The following CNTNAP2 variants were observed in gnomAD, a reference collection of about 807,000 sequenced individuals.
CNTNAP2 encodes the protein contactin associated protein 2.
Under a neutral mutation model 155.2 loss-of-function variants are expected in CNTNAP2, and 98 were observed. The observed-to-expected ratio is 0.63, with a 90% CI of 0.54 to 0.75. CNTNAP2 has a LOEUF of 0.75. Ranked by LOEUF, CNTNAP2 falls within the 30% of genes least tolerant of loss-of-function variation. The pLI, the probability that CNTNAP2 is intolerant of heterozygous loss-of-function variation, is 0.00. For synonymous variants in CNTNAP2, 651 were observed against 631.2 expected, an observed-to-expected ratio of 1.03 and a Z score of -0.47; for missense variants, 1,727 against 1,688.1, an observed-to-expected ratio of 1.02 and a Z score of -0.40.
chr7:148,238,453 CT>C (rs1402467462), intron 20 of CNTNAP2, among the ~76,000 whole-genome samples: 1 of 152,224 alleles, frequency 6.6e-6, no homozygotes, highest in Non-Finnish European at 1.5e-5. Flanking sequence ...TTAGTTTGCT[CT>C]TTGTTGTCTT....
intron 12 of CNTNAP2, among the ~76,000 whole-genome samples, chr7:147,564,635 T>C (rs182676506): frequency 1.8e-4 from 27 of 152,298 alleles, no homozygotes; most frequent in Admixed American, 6.5e-4. Context: ...AACTATAATA[T>C]ACATAATTCT....
chr7:147,651,561 G>C (rs975694642), intron 13 of CNTNAP2, among the ~76,000 whole-genome samples: 1 of 152,118 alleles, frequency 6.6e-6, no homozygotes, highest in African/African-American at 2.4e-5. Context: ...TGCCTCTCTA[G>C]GTCAGCATAG....
chr7:146,608,212 A>G (rs972881365), intron 1 of CNTNAP2, among the ~76,000 whole-genome samples: 2 of 152,204 alleles, frequency 1.3e-5, no homozygotes, highest in Non-Finnish European at 2.9e-5. Flanking sequence ...ATACAGTCCT[A>G]TTGAAGATAT....
At chr7:146,911,877 T>C (rs553178977) in intron 3 of CNTNAP2, among the ~76,000 whole-genome samples, 3 of 152,166 alleles carry the variant, frequency 2.0e-5, no homozygotes, top group African/African-American at 4.8e-5. Flanking sequence ...ATATAATACA[T>C]GGTAATTTTC....
chr7:146,882,945 T>G (rs565560843), intron 3 of CNTNAP2, among the ~76,000 whole-genome samples: 2 of 152,268 alleles, frequency 1.3e-5, no homozygotes, highest in South Asian at 4.1e-4. Flanking sequence ...TGGAAAAATA[T>G]TCCATGTTCA....
At chr7:146,213,231 C>A (rs973873926) in intron 1 of CNTNAP2, among the ~76,000 whole-genome samples, 1 of 152,182 alleles carries the variant, frequency 6.6e-6, no homozygotes, top group Non-Finnish European at 1.5e-5. Flanking sequence ...GTTGGCAAAC[C>A]TCAAAATTTA....
At chr7:147,051,703 T>G (rs1799476969) in intron 4 of CNTNAP2, among the ~76,000 whole-genome samples, 3 of 152,072 alleles carry the variant, frequency 2.0e-5, no homozygotes, top group Non-Finnish European at 4.4e-5. Flanking sequence ...AATATACAAA[T>G]TATTATGTTG....
At chr7:146,342,543 TA>T (rs1335148187) in intron 1 of CNTNAP2, among the ~76,000 whole-genome samples, 2 of 152,164 alleles carry the variant, frequency 1.3e-5, no homozygotes, top group Non-Finnish European at 2.9e-5. Flanking sequence ...ATATGCATGA[TA>T]AAAATCTATC....
intron 1 of CNTNAP2, among the ~76,000 whole-genome samples, chr7:146,513,003 T>A (rs1797490187): frequency 6.6e-6 from 1 of 151,944 alleles, no homozygotes. Context: ...AATTGTTATA[T>A]CCTCTTGCTG....
intron 1 of CNTNAP2, among the ~76,000 whole-genome samples, chr7:146,348,409 G>C (rs145084611): frequency 2.0e-4 from 30 of 152,190 alleles, no homozygotes; most frequent in African/African-American, 7.0e-4. Context: ...TGGGCAATAA[G>C]AGCAAAACTC....
chr7:147,471,943 AC>A (rs1036906220), intron 10 of CNTNAP2, among the ~76,000 whole-genome samples: 13 of 152,198 alleles, frequency 8.5e-5, no homozygotes, highest in African/African-American at 2.9e-4. Context: ...TAAGGGAAGA[AC>A]CAAAAAATAC....
At chr7:147,763,932 C>A (rs572794885) in intron 13 of CNTNAP2, among the ~76,000 whole-genome samples, 5 of 152,158 alleles carry the variant, frequency 3.3e-5, no homozygotes, top group African/African-American at 1.2e-4. Context: ...AAGGTGCGTG[C>A]CATTCCAGTT....
rs914622953 is a variant in CNTNAP2 at position 146,305,774 on chromosome 7, A to T, written c.97+188801A>T. Among the ~76,000 whole-genome samples the T allele has an allele frequency of 2.5e-4, 38 of 152,240 alleles. 1 individual carries two copies. Among genetic ancestry groups the T allele is most frequent in the Middle Eastern group, 3.4e-3 (1 of 294 alleles). On this transcript the variant is annotated intron_variant, in intron 1 of 23. Transcript: ENST00000361727. ...GTGTAGGGGGAAATTTATAGCACTA[A>T]ATGCCCACAAGAGAAAGCAGGAAAG...
At chr7:147,332,464 G>C (rs1463903780) in intron 9 of CNTNAP2, among the ~76,000 whole-genome samples, 1 of 152,124 alleles carries the variant, frequency 6.6e-6, no homozygotes, top group African/African-American at 2.4e-5. Flanking sequence ...GAAAATGCCT[G>C]ATTAACACCT....
intron 22 of CNTNAP2, among the ~76,000 whole-genome samples, chr7:148,397,113 T>G (rs1406965512): frequency 1.3e-5 from 2 of 152,226 alleles, no homozygotes; most frequent in Non-Finnish European, 2.9e-5. Flanking sequence ...GTAGGCAAAG[T>G]GGACATTATC....
Position 146,244,562 on chromosome 7 carries a change from G to C in CNTNAP2, c.97+127589G>C, listed in dbSNP as rs967731377. ...AGTATTGTCCAGTCCTTTTTAAGTT[G>C]GTGGCTGAGCTTGGTGAGGTGTGTT... On this transcript the variant is annotated intron_variant, in intron 1 of 23. Coordinates refer to ENST00000361727, the MANE Select transcript of CNTNAP2 (RefSeq NM_014141.6). Among the ~76,000 whole-genome samples, 7 of 152,260 alleles carry C rather than the reference G, an allele frequency of 4.6e-5. 2 individuals are homozygous for C. The Middle Eastern group carries it at 0.017, about 370-fold the overall frequency.
intron 2 of CNTNAP2, among the ~76,000 whole-genome samples, chr7:146,830,903 A>G (rs984936483): frequency 2.0e-5 from 3 of 152,206 alleles, no homozygotes; most frequent in Admixed American, 2.0e-4. Context: ...AGCTGACATC[A>G]CCATTAATCA....
At chr7:148,118,416 G>A (rs1804524204) in intron 16 of CNTNAP2, 128 bp downstream of exon 16, 9 of 1,035,790 alleles carry the variant, frequency 8.7e-6, no homozygotes, top group Non-Finnish European at 1.3e-5. Flanking sequence ...AGCAGGACTA[G>A]AGGTGGACAC....
intron 2 of CNTNAP2, among the ~76,000 whole-genome samples, chr7:146,836,819 A>G (rs1479094902): frequency 6.6e-6 from 1 of 152,102 alleles, no homozygotes; most frequent in African/African-American, 2.4e-5. Context: ...GAATTCTCCC[A>G]GCTTTTGTCT....
Sources: gnomAD v4.1 joint callset for allele counts (sites outside exome capture counted in the v4.1 genomes callset) on GRCh38, gnomAD v4.1.1 for gene constraint, MANE v1.5 for transcripts, NCBI Gene and HGNC (gene_info 2026-07-23, HGNC 2026-07-21) for gene names.